Variants in NXPH1 observed in about 807,000 individuals in gnomAD.
NXPH1 encodes neurexophilin 1, also known as neurexophilin-1.
NXPH1 carries 5 observed loss-of-function variants against 23.7 expected under a neutral mutation model. The ratio of observed to expected loss-of-function variants is 0.21; its 90% CI spans 0.11 to 0.44. The LOEUF is 0.44. NXPH1 is among the 20% of genes least tolerant of loss of function. NXPH1 has a pLI of 0.99. For missense variants in NXPH1, 324 were observed against 321.6 expected, an observed-to-expected ratio of 1.01 and a Z score of -0.06; for synonymous variants, 144 against 122.2, an observed-to-expected ratio of 1.18 and a Z score of -1.18.
chr7:8,505,207 T>C (rs1269614147), intron 2 of NXPH1, among the ~76,000 whole-genome samples: 1 of 152,074 alleles, frequency 6.6e-6, no homozygotes, highest in Non-Finnish European at 1.5e-5. Context: ...TGATACTTTC[T>C]ATACGTACCC....
chr7:8,733,032 C>G (rs971218414), intron 2 of NXPH1, among the ~76,000 whole-genome samples: 1 of 152,028 alleles, frequency 6.6e-6, no homozygotes, highest in Non-Finnish European at 1.5e-5. Flanking sequence ...CCCCTAGCCC[C>G]CTACTACCTG....
At chr7:8,731,210 C>G (rs541818646) in intron 2 of NXPH1, among the ~76,000 whole-genome samples, 1 of 152,030 alleles carries the variant, frequency 6.6e-6, no homozygotes, top group South Asian at 2.1e-4. Flanking sequence ...TTAAGCACTT[C>G]TCTGTATTGA....
Position 8,453,920 on chromosome 7 carries a change from T to G in NXPH1, c.54+18153T>G, listed in dbSNP as rs186205594. 3.1e-3 allele frequency among the ~76,000 whole-genome samples: 465 copies of G among 152,290 alleles called. 3 individuals are homozygous for G. Among genetic ancestry groups the G allele is most frequent in the Admixed American group, 5.2e-3 (80 of 15,286 alleles). ...TGCATTTATAATAGAGTGATTTATA[T>G]TCTTTTGGGCCTGTATCCAGCAATG... is the stretch of plus-strand genomic sequence containing the variant. On this transcript the variant is annotated intron_variant, in intron 2 of 2. Coordinates refer to ENST00000405863, the MANE Select transcript of NXPH1 (RefSeq NM_152745.3).
chr7:8,524,568 A>G (rs1817833110), intron 2 of NXPH1, among the ~76,000 whole-genome samples: 1 of 152,158 alleles, frequency 6.6e-6, no homozygotes, highest in African/African-American at 2.4e-5. Context: ...TGACAATGCC[A>G]AGGTGTCTGA....
At chr7:8,470,855 C>T (rs565501925) in intron 2 of NXPH1, among the ~76,000 whole-genome samples, 1 of 151,838 alleles carries the variant, frequency 6.6e-6, no homozygotes, top group Non-Finnish European at 1.5e-5. Context: ...TATGGCTCTG[C>T]GATGATGAAA....
intron 2 of NXPH1, among the ~76,000 whole-genome samples, chr7:8,594,156 C>T (rs1287401065): frequency 6.6e-6 from 1 of 152,020 alleles, no homozygotes; most frequent in Non-Finnish European, 1.5e-5. Context: ...CACTCCACCC[C>T]CCACGTTTAC....
At chr7:8,608,329 A>ATTTTT (rs34703338) in intron 2 of NXPH1, among the ~76,000 whole-genome samples, 4 of 143,786 alleles carry the variant, frequency 2.8e-5, no homozygotes, top group African/African-American at 7.7e-5. Flanking sequence ...AAATTCAGTG[A>ATTTTT]TTTTTTTTTT....
intron 2 of NXPH1, among the ~76,000 whole-genome samples, chr7:8,551,247 A>G (rs1171781519): frequency 2.0e-5 from 3 of 151,500 alleles, no homozygotes; most frequent in African/African-American, 7.3e-5. Flanking sequence ...TCTTTTACAA[A>G]TGAATTGTCT....
chr7:8,747,389 C>A (rs1017693659), intron 2 of NXPH1, among the ~76,000 whole-genome samples: 2 of 152,198 alleles, frequency 1.3e-5, no homozygotes, highest in Non-Finnish European at 2.9e-5. Flanking sequence ...AAACCATATT[C>A]ACTACTTCCA....
chr7:8,655,400 T>TTCTC (rs869162322), intron 2 of NXPH1, among the ~76,000 whole-genome samples: 2,624 of 41,792 alleles, frequency 0.063, 49 homozygotes, highest in Non-Finnish European at 0.081. Context: ...GTCTTTGTCT[T>TTCTC]TCTCTCTCTC....
At chr7:8,714,617 C>A (rs977611841) in intron 2 of NXPH1, among the ~76,000 whole-genome samples, 1 of 151,838 alleles carries the variant, frequency 6.6e-6, no homozygotes, top group Non-Finnish European at 1.5e-5. Context: ...GTTACTGCTG[C>A]TGGTTATTCA....
chr7:8,744,174 T>C lies in NXPH1; in HGVS notation c.55-6834T>C, dbSNP rs1196059370. Among the ~76,000 whole-genome samples, 5 of 152,226 alleles carry C rather than the reference T, an allele frequency of 3.3e-5. No individual in the cohort carries two copies. In the East Asian group the frequency reaches 9.6e-4, roughly 29 times the overall value. On this transcript the variant is annotated intron_variant, in intron 2 of 2. Transcript: ENST00000405863. ...TGTATATAGTCTCAAAAGAATCATA[T>C]ATTTAAAAATGCATACACTTATGTT...
At chr7:8,739,919 T>G (rs544572510) in intron 2 of NXPH1, among the ~76,000 whole-genome samples, 1 of 152,356 alleles carries the variant, frequency 6.6e-6, no homozygotes, top group African/African-American at 2.4e-5. Context: ...TAGGAATTTT[T>G]CAGCTCCATT....
intron 2 of NXPH1, among the ~76,000 whole-genome samples, chr7:8,661,640 T>A (rs999929321): frequency 6.6e-6 from 1 of 152,092 alleles, no homozygotes; most frequent in African/African-American, 2.4e-5. Flanking sequence ...AAAGTCAGTG[T>A]AAAACAAAGA....
At chr7:8,661,925 C>A in intron 2 of NXPH1, among the ~76,000 whole-genome samples, 1 of 149,654 alleles carries the variant, frequency 6.7e-6, no homozygotes, top group South Asian at 2.1e-4. Context: ...ATCAAGTATC[C>A]CCCCCAAAAA....
chr7:8,746,557 G>A (rs899765987), intron 2 of NXPH1, among the ~76,000 whole-genome samples: 10 of 152,300 alleles, frequency 6.6e-5, no homozygotes, highest in African/African-American at 2.4e-4. Flanking sequence ...GGCAGTCACA[G>A]CAGCACTTTC....
At chr7:8,530,149 C>T (rs1446582294) in intron 2 of NXPH1, among the ~76,000 whole-genome samples, 1 of 152,100 alleles carries the variant, frequency 6.6e-6, no homozygotes, top group Admixed American at 6.6e-5. Context: ...CATGAAGAGC[C>T]TGTTGGAAGT....
chr7:8,627,191 T>C (rs545571819), intron 2 of NXPH1, among the ~76,000 whole-genome samples: 1 of 152,228 alleles, frequency 6.6e-6, no homozygotes, highest in East Asian at 1.9e-4. Flanking sequence ...TTTTTATGTA[T>C]ATTTGATGTC....
chr7:8,478,810 A>C (rs370857426), intron 2 of NXPH1, among the ~76,000 whole-genome samples: 8 of 152,228 alleles, frequency 5.3e-5, no homozygotes, highest in African/African-American at 1.4e-4. Context: ...TTTGATAGCA[A>C]TTCTTTATAA....
Sources: gnomAD v4.1 joint callset for allele counts (sites outside exome capture counted in the v4.1 genomes callset) on GRCh38, gnomAD v4.1.1 for gene constraint, MANE v1.5 for transcripts, NCBI Gene and HGNC (gene_info 2026-07-23, HGNC 2026-07-21) for gene names.